The following CHSY3 variants were observed in gnomAD, a reference collection of about 807,000 sequenced individuals.
CHSY3 encodes N-acetylgalactosaminyl-proteoglycan 3-beta-glucuronosyltransferase 3.
A neutral mutation model predicts 67.2 loss-of-function variants in CHSY3; 35 were observed. The ratio of observed to expected loss-of-function variants is 0.52; its 90% CI spans 0.40 to 0.69. The LOEUF (loss-of-function observed/expected upper bound fraction) is 0.69, where lower values mean the gene tolerates loss of function less well. Among genes scored for constraint, CHSY3 ranks in the 30% least tolerant of loss-of-function variants. The pLI, the probability that CHSY3 is intolerant of heterozygous loss-of-function variation, is 0.00. For missense variants in CHSY3, 1,069 were observed against 1,138.5 expected, an observed-to-expected ratio of 0.94 and a Z score of 0.88; for synonymous variants, 474 against 434.7, an observed-to-expected ratio of 1.09 and a Z score of -1.12.
At chr5:130,174,814 A>T (rs1379874512) in intron 2 of CHSY3, among the ~76,000 whole-genome samples, 1 of 152,160 alleles carries the variant, frequency 6.6e-6, no homozygotes, top group East Asian at 1.9e-4. Context: ...CTGAGGCACA[A>T]AAAGTTAAAG....
At chr5:130,090,788 G>T (rs1766852056) in intron 2 of CHSY3, among the ~76,000 whole-genome samples, 1 of 152,116 alleles carries the variant, frequency 6.6e-6, no homozygotes, top group South Asian at 2.1e-4. Flanking sequence ...AAGGACAGAA[G>T]GAAGCAATTA....
At chr5:130,071,959 C>A (rs139523975) in intron 2 of CHSY3, among the ~76,000 whole-genome samples, 57 of 152,062 alleles carry the variant, frequency 3.7e-4, no homozygotes, top group African/African-American at 1.3e-3. Context: ...AAATGTTGAG[C>A]ATTGTTTCAT....
intron 2 of CHSY3, among the ~76,000 whole-genome samples, chr5:130,020,420 AAAATATATAT>A (rs1235205963): frequency 5.1e-5 from 3 of 59,204 alleles, no homozygotes; most frequent in African/African-American, 1.9e-4. Flanking sequence ...ACTTCATCTC[AAAATATATAT>A]ATATATATAT....
chr5:129,979,422 A>G (rs6864481), intron 2 of CHSY3, among the ~76,000 whole-genome samples: 87,317 of 151,738 alleles, frequency 0.58, 25,238 homozygotes, highest in Middle Eastern at 0.61. Flanking sequence ...CTCATAACAA[A>G]TGGTTCAATT....
chr5:130,183,330 T>C (rs901056038), intron 2 of CHSY3, among the ~76,000 whole-genome samples: 2 of 152,180 alleles, frequency 1.3e-5, no homozygotes, highest in Admixed American at 6.5e-5. Context: ...ATGTCAAGCA[T>C]GTCTATTTTG....
At chr5:129,914,644 A>G (rs1002046153) in intron 2 of CHSY3, among the ~76,000 whole-genome samples, 3 of 152,216 alleles carry the variant, frequency 2.0e-5, no homozygotes, top group African/African-American at 4.8e-5. Context: ...AGATGAAATC[A>G]TCATGCATCG....
At chr5:130,048,635 GCTCT>G (rs150014220) in intron 2 of CHSY3, among the ~76,000 whole-genome samples, 7 of 150,218 alleles carry the variant, frequency 4.7e-5, no homozygotes, top group Admixed American at 2.0e-4. Flanking sequence ...TAATTACTCT[GCTCT>G]CTCTCTCTCT....
At chr5:130,029,522 T>C (rs1467113276) in intron 2 of CHSY3, among the ~76,000 whole-genome samples, 8 of 152,096 alleles carry the variant, frequency 5.3e-5, no homozygotes, top group Non-Finnish European at 1.0e-4. Context: ...AAATTAAATT[T>C]ACTGGGTCTC....
At chr5:130,054,804 C>G (rs1318926807) in intron 2 of CHSY3, among the ~76,000 whole-genome samples, 1 of 152,176 alleles carries the variant, frequency 6.6e-6, no homozygotes, top group African/African-American at 2.4e-5. Context: ...TGCATTCAGA[C>G]TCCACTAGTT....
At chr5:130,021,078 T>A (rs1764376617) in intron 2 of CHSY3, among the ~76,000 whole-genome samples, 1 of 152,180 alleles carries the variant, frequency 6.6e-6, no homozygotes, top group Non-Finnish European at 1.5e-5. Flanking sequence ...ATGGGACCTC[T>A]GTTTATTTGA....
At position 130,163,969 on chromosome 5, in the gene CHSY3, GA is replaced by G. The variant is rs1316229522; in HGVS notation, c.1087-20256del. 7.9e-5 allele frequency among the ~76,000 whole-genome samples: 12 copies of G among 152,276 alleles called. No individual in the cohort carries two copies. The East Asian group carries it at 1.9e-3, about 25-fold the overall frequency. ...GATTAACAGAGCTATGCAAGAAGGT[GA>G]AAACTCAGGTGATAACAGCGATTTT... On this transcript the variant is annotated intron_variant, in intron 2 of 2. Coordinates refer to ENST00000305031, the MANE Select transcript of CHSY3 (RefSeq NM_175856.5).
chr5:130,096,297 G>T (rs1298420166), intron 2 of CHSY3, among the ~76,000 whole-genome samples: 15 of 152,210 alleles, frequency 9.9e-5, no homozygotes, highest in Non-Finnish European at 5.9e-5. Flanking sequence ...TCAGTCTTCC[G>T]AGTAGCTGAG....
intron 2 of CHSY3, among the ~76,000 whole-genome samples, chr5:130,085,594 T>C (rs1428342721): frequency 1.3e-5 from 2 of 152,150 alleles, no homozygotes; most frequent in African/African-American, 4.8e-5. Flanking sequence ...AAGGGTTTTT[T>C]ATGTCTCTAT....
chr5:129,954,041 T>C (rs1762099656), intron 2 of CHSY3, among the ~76,000 whole-genome samples: 1 of 152,230 alleles, frequency 6.6e-6, no homozygotes. Flanking sequence ...GTTTTATTCC[T>C]GAAGTCTTTG....
intron 2 of CHSY3, among the ~76,000 whole-genome samples, chr5:130,056,269 T>TAA (rs35144419): frequency 2.1e-5 from 3 of 144,520 alleles, no homozygotes; most frequent in South Asian, 2.2e-4. Flanking sequence ...AGAAGTTTGT[T>TAA]AAAAAAAAAA....
At chr5:130,149,755 C>T (rs1769179556) in intron 2 of CHSY3, among the ~76,000 whole-genome samples, 1 of 152,102 alleles carries the variant, frequency 6.6e-6, no homozygotes, top group African/African-American at 2.4e-5. Context: ...GGTCAGCTAC[C>T]TTTCTCAGAA....
At chr5:130,094,744 A>G (rs899832381) in intron 2 of CHSY3, among the ~76,000 whole-genome samples, 5 of 152,176 alleles carry the variant, frequency 3.3e-5, no homozygotes, top group Non-Finnish European at 5.9e-5. Flanking sequence ...AATCTTAACT[A>G]TATTACACAG....
intron 2 of CHSY3, among the ~76,000 whole-genome samples, chr5:130,009,585 C>G (rs1763987367): frequency 6.6e-6 from 1 of 151,896 alleles, no homozygotes; most frequent in South Asian, 2.1e-4. Context: ...AGCAACTACA[C>G]AGTCAAGTCT....
At chr5:130,020,142 G>C (rs973219465) in intron 2 of CHSY3, among the ~76,000 whole-genome samples, 2 of 151,976 alleles carry the variant, frequency 1.3e-5, no homozygotes, top group Non-Finnish European at 2.9e-5. Context: ...TCTGGGCCAG[G>C]TGCAGTGGCT....
Sources: gnomAD v4.1 joint callset for allele counts (sites outside exome capture counted in the v4.1 genomes callset) on GRCh38, gnomAD v4.1.1 for gene constraint, MANE v1.5 for transcripts, NCBI Gene and HGNC (gene_info 2026-07-23, HGNC 2026-07-21) for gene names.